Variants in PSAT1 observed in about 807,000 individuals in gnomAD.
PSAT1 encodes phosphoserine aminotransferase.
In PSAT1, 41 loss-of-function variants were observed where a neutral mutation model predicts 40.3. That is an observed-to-expected ratio of 1.02 (90% confidence interval 0.79 to 1.32). The LOEUF (loss-of-function observed/expected upper bound fraction) is 1.32. Ranked by LOEUF, PSAT1 falls within the 40% of genes most tolerant of loss-of-function variation. The pLI is 0.00. For synonymous variants in PSAT1, 147 were observed against 170.5 expected (o/e 0.86, Z 1.07); for missense variants, 406 against 455.8 (o/e 0.89, Z 0.99).
chr9:78,323,164 T>C (rs776969435), intron 7 of PSAT1, among the ~76,000 whole-genome samples: 1 of 152,150 alleles, frequency 6.6e-6, no homozygotes, highest in African/African-American at 2.4e-5. Context: ...AATGACTGCA[T>C]TGAGAAGGAT....
chr9:78,317,808 A>G lies in PSAT1; in HGVS notation c.869+4A>G. 6.2e-7 allele frequency: 1 copy of G among 1,612,220 alleles called. No homozygotes were observed. On this transcript the variant is annotated splice_donor_region_variant and intron_variant, in intron 7 of 8. Coordinates refer to ENST00000376588, the MANE Select transcript of PSAT1 (RefSeq NM_058179.4). ...ATAATTCTCAAGGATTCTACGTGTA[A>G]GTCAATGGATTTTATCTCCTATTTT...
chr9:78,321,029 G>A (rs1455932608), intron 7 of PSAT1, among the ~76,000 whole-genome samples: 4 of 152,104 alleles, frequency 2.6e-5, no homozygotes, highest in Non-Finnish European at 5.9e-5. Context: ...GCCACGCCTA[G>A]GTCCTTTAAC....
At chr9:78,299,308 A>G (rs1828073499) in intron 1 of PSAT1, among the ~76,000 whole-genome samples, 1 of 151,806 alleles carries the variant, frequency 6.6e-6, no homozygotes, top group South Asian at 2.1e-4. Flanking sequence ...TTATAGAACT[A>G]TTTTCAATGA....
At chr9:78,324,029 G>A (rs1828463620) in intron 7 of PSAT1, among the ~76,000 whole-genome samples, 1 of 152,044 alleles carries the variant, frequency 6.6e-6, no homozygotes, top group African/African-American at 2.4e-5. Context: ...GGGTGTCCCT[G>A]GCTGAAGGTG....
At chr9:78,308,712 T>A in intron 6 of PSAT1, 129 bp downstream of exon 6, 2 of 1,121,150 alleles carry the variant, frequency 1.8e-6, no homozygotes, top group Non-Finnish European at 2.5e-6. Flanking sequence ...TCTTAGCAAT[T>A]TGGGAGGCTG....
intron 6 of PSAT1, among the ~76,000 whole-genome samples, chr9:78,311,284 C>T (rs114791641): frequency 0.01 from 1,550 of 152,220 alleles, 25 homozygotes; most frequent in African/African-American, 0.036. Flanking sequence ...GGTAGAGGTA[C>T]AGGAGGCTGT....
At chr9:78,320,135 T>C (rs1217828298) in intron 7 of PSAT1, among the ~76,000 whole-genome samples, 1 of 149,566 alleles carries the variant, frequency 6.7e-6, no homozygotes, top group Non-Finnish European at 1.5e-5. Flanking sequence ...CTCATCCATC[T>C]ATCCATCCAT....
chr9:78,319,964 C>A (rs1310302000), intron 7 of PSAT1, among the ~76,000 whole-genome samples: 5 of 144,410 alleles, frequency 3.5e-5, no homozygotes, highest in African/African-American at 7.3e-5. Flanking sequence ...ACCCACCTAC[C>A]CATCTATCCA....
intron 1 of PSAT1, among the ~76,000 whole-genome samples, chr9:78,300,028 C>T (rs1380075548): frequency 6.6e-6 from 1 of 152,102 alleles, no homozygotes; most frequent in Non-Finnish European, 1.5e-5. Context: ...AGGGAATCCT[C>T]ACATACACAA....
rs372097888 is a variant in PSAT1 at position 78,301,967 on chromosome 9, G to T, written c.135G>T (p.Arg45Ser). ...VGISVLEMSHRSSDFAKIINN... is the reference protein window; with the variant it reads ...VGISVLEMSHSSSDFAKIINN... ...TTCCTTTCACAGAAATGAGTCACAGGTCATCAGATTTTGCCAAGATTATTA... is the reference window on the plus strand; with the variant it reads ...TTCCTTTCACAGAAATGAGTCACAGTTCATCAGATTTTGCCAAGATTATTA... The change falls in exon 3 of 9, where the codon AGG (arginine) becomes AGT (serine). Residue 45 changes from arginine (R) to serine (S), a missense_variant. Transcript: ENST00000376588. 8 of 1,610,420 alleles carry T rather than the reference G, an allele frequency of 5.0e-6. No homozygotes were observed. Among genetic ancestry groups the T allele is most frequent in the Non-Finnish European group, 6.8e-6 (8 of 1,176,788 alleles).
At chr9:78,297,592 T>C (rs1010569641) in intron 1 of PSAT1, among the ~76,000 whole-genome samples, 1 of 152,138 alleles carries the variant, frequency 6.6e-6, no homozygotes, top group African/African-American at 2.4e-5. Context: ...GGCTGTGCCA[T>C]CTCCTGGGCC....
At chr9:78,304,997 C>G (rs921272860) in intron 4 of PSAT1, 57 bp downstream of exon 4, 5 of 1,485,758 alleles carry the variant, frequency 3.4e-6, no homozygotes, top group African/African-American at 2.8e-5. Flanking sequence ...TTACCCCGAC[C>G]CAGGGCAATC....
At chr9:78,309,129 T>A (rs1227300455) in intron 6 of PSAT1, among the ~76,000 whole-genome samples, 1 of 152,214 alleles carries the variant, frequency 6.6e-6, no homozygotes, top group Non-Finnish European at 1.5e-5. Context: ...CTCTTGTTCT[T>A]TTCTGGGGAT....
chr9:78,317,850 A>G (rs905719227), intron 7 of PSAT1, 46 bp downstream of exon 7: 7 of 1,589,972 alleles, frequency 4.4e-6, no homozygotes, highest in Non-Finnish European at 6.0e-6. Flanking sequence ...TGTGAATTTA[A>G]AACTGTGTAT....
Position 78,329,185 on chromosome 9 carries a change from A to G in PSAT1, c.*99A>G. The G allele has an allele frequency of 4.6e-6, 4 of 863,152 alleles. No homozygotes were observed. The highest frequency in any genetic ancestry group is 7.8e-6 in the Non-Finnish European group (4 of 512,178). 53.5% of individuals were successfully genotyped at this position (863,152 alleles called of 1,614,324 possible). On this transcript the variant is annotated 3_prime_UTR_variant, in exon 9 of 9. Coordinates refer to ENST00000376588, the MANE Select transcript of PSAT1 (RefSeq NM_058179.4). ...AAAGTTAACACAGTATTTTTCTCAA[A>G]TGAACATGTTTATTGCAGATTCTTC...
chr9:78,325,718 C>T (rs1167375275), intron 7 of PSAT1, among the ~76,000 whole-genome samples: 2 of 152,190 alleles, frequency 1.3e-5, no homozygotes, highest in African/African-American at 4.8e-5. Context: ...GTTAATTTCC[C>T]TTAATCTTTT....
At chr9:78,321,458 T>A (rs1461322188) in intron 7 of PSAT1, among the ~76,000 whole-genome samples, 1 of 152,192 alleles carries the variant, frequency 6.6e-6, no homozygotes, top group East Asian at 1.9e-4. Context: ...GTGGCCACTT[T>A]TAAAGAGGAA....
intron 6 of PSAT1, among the ~76,000 whole-genome samples, 161 bp downstream of exon 6, chr9:78,308,744 T>A (rs1291966297): frequency 6.6e-5 from 10 of 152,118 alleles, no homozygotes; most frequent in South Asian, 2.1e-4. Flanking sequence ...CCACTTGAGG[T>A]CAGGAGCTAG....
chr9:78,302,154 C>T lies in PSAT1; in HGVS notation c.191+131C>T, dbSNP rs3739472. On this transcript the variant is annotated intron_variant, in intron 3 of 8. Transcript: ENST00000376588. ...AATTTAAAATAATCCTTGTAAGATT[C>T]TCTCCAATTCACTATTAGTACCTAA... is the stretch of plus-strand genomic sequence containing the variant. 120,752 of 750,212 alleles carry T rather than the reference C, an allele frequency of 0.16. 10,701 individuals carry two copies. The highest frequency in any genetic ancestry group is 0.21 in the East Asian group (7,778 of 36,764). The allele number at this position is 750,212 out of a possible 1,614,324, so 46.5% of individuals were successfully genotyped here. A position where few individuals can be genotyped will look rare whatever the true frequency, so the allele number is the denominator to read the frequency against.
Sources: gnomAD v4.1 joint callset for allele counts (sites outside exome capture counted in the v4.1 genomes callset) on GRCh38, gnomAD v4.1.1 for gene constraint, MANE v1.5 for transcripts, NCBI Gene and HGNC (gene_info 2026-07-23, HGNC 2026-07-21) for gene names.